Variants in MIER2 observed in about 807,000 individuals in gnomAD.
MIER2 encodes MIER family member 2.
Under a neutral mutation model 67.6 loss-of-function variants are expected in MIER2, and 30 were observed. That is an observed-to-expected ratio of 0.44 (90% CI 0.33 to 0.60). The LOEUF (loss-of-function observed/expected upper bound fraction) is 0.60, where lower values mean the gene tolerates loss of function less well. Ranked by LOEUF, MIER2 falls within the 20% of genes least tolerant of loss-of-function variation. The probability of loss-of-function intolerance (pLI) is 0.02; values close to 1 mark genes in which losing one functional copy is unlikely to be tolerated. For missense variants in MIER2, 702 were observed against 745.1 expected (o/e 0.94, Z 0.67); for synonymous variants, 372 against 312.6 (o/e 1.19, Z -2.00).
chr19:322,354 A>T (rs1028402737), intron 7 of MIER2, among the ~76,000 whole-genome samples: 1 of 152,246 alleles, frequency 6.6e-6, no homozygotes, highest in African/African-American at 2.4e-5. Flanking sequence ...ACACATTATT[A>T]TTCAAATAAT....
At chr19:319,606 G>A (rs751849463) in intron 7 of MIER2, among the ~76,000 whole-genome samples, 11 of 151,998 alleles carry the variant, frequency 7.2e-5, no homozygotes, top group Non-Finnish European at 1.5e-4. Context: ...CTACAGTTGC[G>A]TGCCACCACG....
intron 2 of MIER2, among the ~76,000 whole-genome samples, chr19:334,746 G>C (rs1451038918): frequency 6.6e-6 from 1 of 152,172 alleles, no homozygotes; most frequent in Non-Finnish European, 1.5e-5. Context: ...AAATTCCAAG[G>C]ATTTTTTTGG....
chr19:321,968 G>A (rs541420197), intron 7 of MIER2, among the ~76,000 whole-genome samples: 74 of 151,948 alleles, frequency 4.9e-4, no homozygotes, highest in African/African-American at 1.3e-3. Flanking sequence ...GCAGTGGCGC[G>A]ATCTCGGCTC....
rs1178301895 is a variant in MIER2 at position 306,460 on chromosome 19, C to T, written c.*230G>A. The stretch of plus-strand genomic sequence containing the variant: ...CAGGCAGCGGCCCGGACCCGGGTGG[C>T]AGTGCCGGGCGCTGACGGCGCTGGG... On this transcript the variant is annotated 3_prime_UTR_variant, in exon 14 of 14. Transcript: ENST00000264819. 9.6e-6 allele frequency: 6 copies of T among 626,260 alleles called. No homozygotes were observed. Among genetic ancestry groups the T allele is most frequent in the African/African-American group, 1.8e-5 (1 of 54,276 alleles). 38.8% of individuals were successfully genotyped at this position (626,260 alleles called of 1,614,324 possible). A position where few individuals can be genotyped will look rare whatever the true frequency, so the allele number is the denominator to read the frequency against.
intron 10 of MIER2, among the ~76,000 whole-genome samples, chr19:310,260 G>A (rs553254589): frequency 2.6e-5 from 4 of 152,312 alleles, no homozygotes; most frequent in Admixed American, 6.5e-5. Context: ...CTAACCCACC[G>A]CCACCCAGAA....
rs374540198 is a variant in MIER2, at chr19:325,636, C to T, written c.654G>A (p.Lys218=). 22 of 1,614,088 alleles carry T rather than the reference C, an allele frequency of 1.4e-5. No individual in the cohort carries two copies. Among genetic ancestry groups the T allele is most frequent in the Non-Finnish European group, 1.8e-5 (21 of 1,180,038 alleles). ...CTCCTCTCCCCAGGCCCTACTTACT[C>T]TTCTCACAGTGCCGGTTCAAGTGCA... is the stretch of plus-strand genomic sequence containing the variant. ...SNLHLNRHCE[K]IYENEDQLLW... Residue 218 remains lysine, a splice_region_variant and synonymous_variant, in exon 7 of 14, where the codon AAG becomes AAA. Transcript: ENST00000264819.
At chr19:325,725 A>T in intron 6 of MIER2, 21 bp from the exon 7 acceptor site, 1 of 1,614,096 alleles carries the variant, frequency 6.2e-7, no homozygotes, top group African/African-American at 1.3e-5. Flanking sequence ...AGCACCTGGG[A>T]ATCAGGACAC....
chr19:326,445 G>A lies in MIER2; in HGVS notation c.585+62C>T, dbSNP rs1363921052. The A allele has an allele frequency of 8.1e-6, 12 of 1,478,944 alleles. 1 individual carries two copies. The East Asian group carries it at 2.8e-4, about 34-fold the overall frequency. The allele number at this position is 1,478,944 out of a possible 1,614,324, so 91.6% of individuals were successfully genotyped here. A position where few individuals can be genotyped will look rare whatever the true frequency, so the allele number is the denominator to read the frequency against. On this transcript the variant is annotated intron_variant, in intron 6 of 13. Transcript: ENST00000264819. ...GGCAGAGCCACGGTCGGGATGCCAG[G>A]TTGGGGAGACGGCAGAACCACGGCC...
intron 5 of MIER2, 196 bp downstream of exon 5, chr19:326,937 C>T (rs1971778675): frequency 1.4e-6 from 1 of 706,314 alleles, no homozygotes. Flanking sequence ...AACCAAATCG[C>T]TCTGAGAGTC....
Position 325,716 on chromosome 19 carries a change from G to C in MIER2, c.586-12C>G, listed in dbSNP as rs754514244. ...CCCACCATGATCTCCTGCAAAGCAA[G>C]CACCTGGGAATCAGGACACTGAGGA... On this transcript the variant is annotated splice_polypyrimidine_tract_variant and intron_variant, in intron 6 of 13. Coordinates refer to ENST00000264819, the MANE Select transcript of MIER2 (RefSeq NM_017550.3). 1.2e-6 allele frequency: 2 copies of C among 1,614,214 alleles called. No individual in the cohort carries two copies. The highest frequency in any genetic ancestry group is 3.3e-5 in the Admixed American group (2 of 60,032).
chr19:335,907 G>A (rs530866420), intron 2 of MIER2, among the ~76,000 whole-genome samples, 176 bp downstream of exon 2: 10 of 152,228 alleles, frequency 6.6e-5, no homozygotes, highest in East Asian at 3.9e-4. Flanking sequence ...ACAGGAAGAC[G>A]GGAGTCCTGA....
chr19:311,998 GA>G lies in MIER2; in HGVS notation c.890-60del. 7 of 1,354,026 alleles carry G rather than the reference GA, an allele frequency of 5.2e-6. No individual in the cohort carries two copies. The South Asian group carries it at 6.2e-5, about 12-fold the overall frequency. 83.9% of individuals were successfully genotyped at this position (1,354,026 alleles called of 1,614,324 possible). Reference sequence around the variant, plus strand: ...GCCCAGGGCGGGGCCGCAGCGGAAGGAAGGCCCAGGCCGGGGAGAACAGTCA... The same window carrying G: ...GCCCAGGGCGGGGCCGCAGCGGAAGGAGGCCCAGGCCGGGGAGAACAGTCA... On this transcript the variant is annotated intron_variant, in intron 9 of 13. Transcript: ENST00000264819.
Position 308,940 on chromosome 19 carries a change from C to G in MIER2, c.985-15G>C. 2 of 1,593,914 alleles carry G rather than the reference C, an allele frequency of 1.3e-6. No homozygotes were observed. The highest frequency in any genetic ancestry group is 1.7e-6 in the Non-Finnish European group (2 of 1,165,250). On this transcript the variant is annotated splice_polypyrimidine_tract_variant and intron_variant, in intron 10 of 13. Transcript: ENST00000264819. This position sits in a 1 kb window ranked among gnomAD's most constrained non-coding sequence, Gnocchi z 9.1. ...CGTGTGCGCACCTGCGGGGAGGGGTCAGGAGCCATCTCTGTCCCCGGCTGC... is the reference window on the plus strand; with the variant it reads ...CGTGTGCGCACCTGCGGGGAGGGGTGAGGAGCCATCTCTGTCCCCGGCTGC...
At chr19:344,370 G>A in intron 1 of MIER2, 2 of 984,872 alleles carry the variant, frequency 2.0e-6, no homozygotes, top group Admixed American at 6.2e-5. Context: ...AGTTGGCAAA[G>A]GCGCGGGAGG....
chr19:323,415 C>G (rs111860355), intron 7 of MIER2, among the ~76,000 whole-genome samples: 4 of 150,830 alleles, frequency 2.7e-5, no homozygotes, highest in African/African-American at 9.7e-5. Context: ...GACATCATCA[C>G]AATGCAATAC....
chr19:344,595 G>A (rs1363818619), intron 1 of MIER2, 179 bp downstream of exon 1: 6 of 261,674 alleles, frequency 2.3e-5, no homozygotes, highest in Non-Finnish European at 3.5e-5. Context: ...CCGGCCGGGG[G>A]CGGCCGCCGA....
intron 7 of MIER2, among the ~76,000 whole-genome samples, chr19:321,169 C>A (rs1458082825): frequency 6.6e-6 from 1 of 152,126 alleles, no homozygotes; most frequent in Non-Finnish European, 1.5e-5. Flanking sequence ...GGCGCCTGAC[C>A]GTAAAGGTGT....
chr19:333,455 C>T (rs1972111237), intron 3 of MIER2, among the ~76,000 whole-genome samples: 1 of 43,206 alleles, frequency 2.3e-5, no homozygotes, highest in Non-Finnish European at 3.9e-5. Context: ...TTTAACTTTT[C>T]ATGTAATAAA....
At chr19:330,152 A>G (rs1250954540) in intron 3 of MIER2, 1 of 152,172 alleles carries the variant, frequency 6.6e-6, no homozygotes, top group African/African-American at 2.4e-5. Flanking sequence ...GGGGGCTGTT[A>G]CTGCAAAGGA....
Sources: allele counts gnomAD v4.1 joint callset (sites outside exome capture counted in the v4.1 genomes callset), GRCh38; gene constraint gnomAD v4.1.1; non-coding constraint Gnocchi (gnomAD v3.1); transcripts MANE v1.5; gene names NCBI Gene and HGNC (gene_info 2026-07-23, HGNC 2026-07-21).